CCDC171: variants seen among roughly 807,000 people sequenced by gnomAD.
The protein encoded by CCDC171 is coiled-coil domain containing 171.
CCDC171 carries 177 observed loss-of-function variants against 168.2 expected under a neutral mutation model. The observed-to-expected ratio is 1.05, with a 90% CI of 0.93 to 1.19. The LOEUF is 1.19. Among genes scored for constraint, CCDC171 ranks in the 50% most tolerant of loss-of-function variants. CCDC171 has a pLI of 0.00. For missense variants in CCDC171, 1,991 were observed against 1,539.0 expected (o/e 1.29, Z -4.91); for synonymous variants, 687 against 540.8 (o/e 1.27, Z -3.75).
intron 3 of CCDC171, among the ~76,000 whole-genome samples, chr9:16,018,679 C>T (rs558964333): frequency 6.6e-6 from 1 of 152,354 alleles, no homozygotes; most frequent in South Asian, 2.1e-4. Flanking sequence ...GAATGGCACC[C>T]AGTGGAGCTG....
At chr9:15,791,859 C>G (rs571218059) in intron 21 of CCDC171, among the ~76,000 whole-genome samples, 2 of 152,130 alleles carry the variant, frequency 1.3e-5, no homozygotes, top group Non-Finnish European at 2.9e-5. Context: ...GTAGATAAAA[C>G]CACAAAGATA....
chr9:15,992,779 A>G (rs926636744), intron 3 of CCDC171, among the ~76,000 whole-genome samples: 34 of 152,186 alleles, frequency 2.2e-4, no homozygotes, highest in African/African-American at 8.0e-4. Context: ...CAAAAATCAC[A>G]AGCATTCTTA....
chr9:16,107,992 T>C, the CCDC171 span, among the ~76,000 whole-genome samples: 1 of 152,160 alleles, frequency 6.6e-6, no homozygotes, highest in African/African-American at 2.4e-5. Context: ...AAATATAGAG[T>C]ACTACGCATA....
At chr9:15,671,112 A>G (rs2049075901) in intron 9 of CCDC171, among the ~76,000 whole-genome samples, 1 of 152,172 alleles carries the variant, frequency 6.6e-6, no homozygotes. Flanking sequence ...CAAAACAGAA[A>G]ATACTTGCAG....
rs1277932664 is a variant in CCDC171, at chr9:15,683,285, G to C, written c.1215+4389G>C. Among the ~76,000 whole-genome samples, 6 of 152,032 alleles carry C rather than the reference G, an allele frequency of 3.9e-5. No individual in the cohort carries two copies. In the South Asian group the frequency reaches 1.2e-3, roughly 31 times the overall value. On this transcript the variant is annotated intron_variant, in intron 10 of 25. Transcript: ENST00000380701. ...AACTGATTATATAATAGTAATGATT[G>C]CTAGCATTAAATATGATTTTGGAAA...
chr9:15,591,245 A>G, intron 4 of CCDC171, 121 bp from the exon 5 acceptor site: 1 of 600,004 alleles, frequency 1.7e-6, no homozygotes, highest in Non-Finnish European at 2.9e-6. Context: ...TGTAATGGAA[A>G]GGTTAAATGT....
intron 1 of CCDC171, among the ~76,000 whole-genome samples, chr9:15,556,220 C>G (rs1192214119): frequency 6.6e-6 from 1 of 152,110 alleles, no homozygotes; most frequent in Non-Finnish European, 1.5e-5. Flanking sequence ...ATGGGCTTCC[C>G]TTTGTGGGTA....
chr9:16,016,263 A>T (rs747292907), intron 3 of CCDC171, among the ~76,000 whole-genome samples: 17 of 152,076 alleles, frequency 1.1e-4, no homozygotes, highest in Non-Finnish European at 2.2e-4. Context: ...CTCCTCCAAG[A>T]CATTTTTCAA....
At chr9:15,855,165 G>C (rs948924933) in intron 23 of CCDC171, among the ~76,000 whole-genome samples, 1 of 151,670 alleles carries the variant, frequency 6.6e-6, no homozygotes, top group African/African-American at 2.4e-5. Flanking sequence ...ATTAGTGAAA[G>C]TATGATGTCA....
Position 15,662,280 on chromosome 9 carries a change from C to A in CCDC171, c.916-3883C>A, listed in dbSNP as rs532431186. On this transcript the variant is annotated intron_variant, in intron 8 of 25. Transcript: ENST00000380701. ...TGACAGAGTGAGACTCTGTCCCCAT[C>A]CCCCCTCCCCCCCAAAAAAGAATAA... 4.0e-5 allele frequency among the ~76,000 whole-genome samples: 6 copies of A among 150,426 alleles called. No individual in the cohort carries two copies. In the South Asian group the frequency reaches 1.1e-3, roughly 26 times the overall value.
intron 3 of CCDC171, among the ~76,000 whole-genome samples, chr9:15,984,826 T>C (rs1007337183): frequency 4.9e-4 from 75 of 152,158 alleles, no homozygotes; most frequent in African/African-American, 1.8e-3. Context: ...AATGGGTCAA[T>C]TCTTCTCAAC....
intron 6 of CCDC171, among the ~76,000 whole-genome samples, chr9:16,032,716 C>T (rs1230640936): frequency 6.6e-6 from 1 of 152,104 alleles, no homozygotes; most frequent in African/African-American, 2.4e-5. Context: ...CTCCTGGGCT[C>T]GAGTGATCCT....
At chr9:15,813,549 A>G (rs59703985) in intron 21 of CCDC171, among the ~76,000 whole-genome samples, 4,153 of 152,150 alleles carry the variant, frequency 0.027, 192 homozygotes, top group African/African-American at 0.096. Context: ...CCCCAGAAGT[A>G]ATTAATATTA....
chr9:15,809,773 C>T (rs776954773), intron 21 of CCDC171, among the ~76,000 whole-genome samples: 6 of 152,116 alleles, frequency 3.9e-5, no homozygotes, highest in South Asian at 2.1e-4. Context: ...TTGCAAAGAG[C>T]GAAAGAACAA....
chr9:15,698,709 A>T (rs2051427808), intron 11 of CCDC171, among the ~76,000 whole-genome samples: 1 of 152,006 alleles, frequency 6.6e-6, no homozygotes, highest in African/African-American at 2.4e-5. Context: ...ACACACACAC[A>T]TCATATACTC....
upstream of CCDC171, among the ~76,000 whole-genome samples, chr9:16,039,479 A>G (rs1368584945): frequency 6.6e-6 from 1 of 152,220 alleles, no homozygotes. Flanking sequence ...TGGCTGTCAC[A>G]AAGACATGGA....
chr9:15,984,848 T>C (rs1831934221), intron 3 of CCDC171, among the ~76,000 whole-genome samples: 3 of 152,184 alleles, frequency 2.0e-5, no homozygotes, highest in Non-Finnish European at 4.4e-5. Context: ...AAAACAGATA[T>C]TGTGCTAAGT....
At chr9:15,894,138 G>C (rs1414162769) in intron 24 of CCDC171, among the ~76,000 whole-genome samples, 5 of 152,134 alleles carry the variant, frequency 3.3e-5, no homozygotes, top group Non-Finnish European at 7.4e-5. Context: ...AACATGGATG[G>C]AGCTGGAAGC....
chr9:15,671,568 G>C (rs958622811), intron 9 of CCDC171, among the ~76,000 whole-genome samples: 1 of 126,204 alleles, frequency 7.9e-6, no homozygotes, highest in African/African-American at 3.0e-5. Context: ...TACATGTGTT[G>C]TCATTGTTCA....
Sources: allele counts gnomAD v4.1 joint callset (sites outside exome capture counted in the v4.1 genomes callset), GRCh38; gene constraint gnomAD v4.1.1; transcripts MANE v1.5; gene names NCBI Gene and HGNC (gene_info 2026-07-23, HGNC 2026-07-21).